Variants in PTPRN2 observed in about 807,000 individuals in gnomAD.
PTPRN2 encodes the protein receptor-type tyrosine-protein phosphatase N2.
In PTPRN2, 74 loss-of-function variants were observed where a neutral mutation model predicts 118.8. The ratio of observed to expected loss-of-function variants is 0.62; its 90% CI spans 0.52 to 0.76. PTPRN2 has a LOEUF of 0.76. Among genes scored for constraint, PTPRN2 ranks in the 30% least tolerant of loss-of-function variants. The pLI is 0.00. For synonymous variants in PTPRN2, 641 were observed against 608.0 expected, an observed-to-expected ratio of 1.05 and a Z score of -0.80; for missense variants, 1,481 against 1,394.4, an observed-to-expected ratio of 1.06 and a Z score of -0.99.
rs578126772 is a variant in PTPRN2, at chr7:157,869,726, G to A, written c.1788+28947C>T. 4.5e-4 allele frequency among the ~76,000 whole-genome samples: 69 copies of A among 152,320 alleles called. No individual in the cohort carries two copies. Among genetic ancestry groups the A allele is most frequent in the South Asian group, 2.1e-3 (10 of 4,830 alleles). On this transcript the variant is annotated intron_variant, in intron 12 of 22. Transcript: ENST00000389418. This position sits in a 1 kb window ranked among gnomAD's most constrained non-coding sequence, Gnocchi z 4.2. The stretch of plus-strand genomic sequence containing the variant: ...CATCGGAACTCTTGCTAAATTGCCC[G>A]TGTTTGATGAGAGGAGTGAGCTGAA...
intron 1 of PTPRN2, among the ~76,000 whole-genome samples, chr7:158,522,217 TCCAGGTAGTGGC>T (rs1824205271): frequency 1.3e-5 from 1 of 78,320 alleles, no homozygotes; most frequent in African/African-American, 5.7e-5. Context: ...TGGTGGACTG[TCCAGGTAGTGGC>T]TCAGGAGGGA....
chr7:157,734,193 CTT>C lies in PTPRN2; in HGVS notation c.1789-51258_1789-51257del, dbSNP rs757889960. On this transcript the variant is annotated intron_variant, in intron 12 of 22. Coordinates refer to ENST00000389418, the MANE Select transcript of PTPRN2 (RefSeq NM_002847.5). ...ACCCCATGCACCCAGCACAGTTACT[CTT>C]TTCCGTCCCATGCGCCCAGCACAGT... Among the ~76,000 whole-genome samples, 140 of 147,538 alleles carry C rather than the reference CTT, an allele frequency of 9.5e-4. 14 individuals carry two copies. The highest frequency in any genetic ancestry group is 3.3e-3 in the African/African-American group (131 of 39,658).
chr7:158,052,190 G>A (rs1255787992), intron 11 of PTPRN2, among the ~76,000 whole-genome samples: 2 of 152,162 alleles, frequency 1.3e-5, no homozygotes, highest in African/African-American at 2.4e-5. Flanking sequence ...TGACTTCTAC[G>A]GGAGGAAATG....
At chr7:158,090,387 C>A (rs1814019318) in intron 10 of PTPRN2, among the ~76,000 whole-genome samples, 1 of 152,202 alleles carries the variant, frequency 6.6e-6, no homozygotes. Flanking sequence ...ACAGAATTCA[C>A]TGACTTAAAA....
intron 8 of PTPRN2, among the ~76,000 whole-genome samples, chr7:158,135,820 A>C (rs2150446590): frequency 6.6e-6 from 1 of 152,348 alleles, no homozygotes; most frequent in South Asian, 2.1e-4. Flanking sequence ...CTAACCAGTA[A>C]GAGAATCTGA....
chr7:157,846,039 G>A (rs1808779870), intron 12 of PTPRN2, among the ~76,000 whole-genome samples: 2 of 152,150 alleles, frequency 1.3e-5, no homozygotes, highest in Admixed American at 1.3e-4. Flanking sequence ...ATCAAGTGAA[G>A]CAGCTTCTGT....
At position 158,089,694 on chromosome 7, in the gene PTPRN2, A is replaced by G. The variant is rs1243914279; in HGVS notation, c.1644-8317T>C. Among the ~76,000 whole-genome samples, 237 of 126,922 alleles carry G rather than the reference A, an allele frequency of 1.9e-3. 10 individuals are homozygous for G. The highest frequency in any genetic ancestry group is 3.0e-3 in the Non-Finnish European group (181 of 60,968). 83.3% of individuals were successfully genotyped at this position (126,922 alleles called of 152,430 possible). On this transcript the variant is annotated intron_variant, in intron 10 of 22. Transcript: ENST00000389418. ...ACAAACCTTCTTCCCCTGATGAAAG[A>G]GGGGGTCTTCACACACATCCTTCCT...
At chr7:158,269,685 A>C (rs1798161931) in intron 3 of PTPRN2, among the ~76,000 whole-genome samples, 1 of 152,176 alleles carries the variant, frequency 6.6e-6, no homozygotes, top group Admixed American at 6.5e-5. Context: ...GCCAGGGCCC[A>C]GGAGGACAGC....
chr7:158,341,732 C>T (rs866898081), intron 2 of PTPRN2, among the ~76,000 whole-genome samples: 2,007 of 143,692 alleles, frequency 0.014, 1 homozygote, highest in Non-Finnish European at 0.024. Context: ...CTGACGCCCG[C>T]AGACGTCACT....
At chr7:158,075,465 G>A (rs1319537573) in intron 11 of PTPRN2, among the ~76,000 whole-genome samples, 3 of 152,072 alleles carry the variant, frequency 2.0e-5, no homozygotes, top group Admixed American at 1.3e-4. Flanking sequence ...GACACAAGCT[G>A]GGGCTGGTTC....
At chr7:158,277,803 G>C (rs1447856902) in intron 3 of PTPRN2, among the ~76,000 whole-genome samples, 3 of 152,174 alleles carry the variant, frequency 2.0e-5, no homozygotes, top group African/African-American at 7.2e-5. Flanking sequence ...AGCTACAGAG[G>C]CTCCTCCTCC....
Position 158,587,604 on chromosome 7 carries a change from G to T in PTPRN2, c.66C>A (p.Ala22=). The T allele has an allele frequency of 2.2e-6, 3 of 1,359,338 alleles. No individual in the cohort carries two copies. The highest frequency in any genetic ancestry group is 2.8e-6 in the Non-Finnish European group (3 of 1,063,198). The allele number at this position is 1,359,338 out of a possible 1,614,324, so 84.2% of individuals were successfully genotyped here. The part of the protein sequence containing the change: ...LLLLPPRVLP[A]APSSVPRGRQ... ...GGCCGCGGGGGACGGACGAAGGGGC[G>T]GCAGGCAGGACGCGTGGCGGCAGCA... The change falls in exon 1 of 23, where the codon GCC becomes GCA. Residue 22 remains alanine (A), a synonymous_variant. Coordinates refer to ENST00000389418, the MANE Select transcript of PTPRN2 (RefSeq NM_002847.5).
At chr7:158,431,473 T>C (rs115553178) in intron 2 of PTPRN2, among the ~76,000 whole-genome samples, 122 of 6,566 alleles carry the variant, frequency 0.019, 10 homozygotes, top group African/African-American at 0.062. Flanking sequence ...ACTGGGCACA[T>C]ACTGGGCACA....
At position 158,262,611 on chromosome 7, in the gene PTPRN2, G is replaced by T. The variant is rs1035220379; in HGVS notation, c.277+54208C>A. ...ACATTCACACACATTCACACACACT[G>T]CACACACACATACATTCACACTGCA... is the stretch of plus-strand genomic sequence containing the variant. On this transcript the variant is annotated intron_variant, in intron 3 of 22. Coordinates refer to ENST00000389418, the MANE Select transcript of PTPRN2 (RefSeq NM_002847.5). Among the ~76,000 whole-genome samples, 134 of 127,402 alleles carry T rather than the reference G, an allele frequency of 1.1e-3. 1 individual carries two copies. Among genetic ancestry groups the T allele is most frequent in the African/African-American group, 3.8e-3 (125 of 33,230 alleles). 83.6% of individuals were successfully genotyped at this position (127,402 alleles called of 152,430 possible).
chr7:158,211,513 A>G (rs74746071), intron 3 of PTPRN2, among the ~76,000 whole-genome samples: 5,270 of 152,284 alleles, frequency 0.035, 320 homozygotes, highest in African/African-American at 0.12. Flanking sequence ...AACTCTGTAG[A>G]AAAAAATTTC....
At chr7:157,710,368 G>A (rs1798543734) in intron 12 of PTPRN2, among the ~76,000 whole-genome samples, 1 of 152,238 alleles carries the variant, frequency 6.6e-6, no homozygotes, top group Non-Finnish European at 1.5e-5. Flanking sequence ...CAGCACTTTG[G>A]GAGGCCGAGG....
chr7:158,026,831 C>T (rs1310255114), intron 11 of PTPRN2, among the ~76,000 whole-genome samples: 2 of 152,212 alleles, frequency 1.3e-5, no homozygotes, highest in Admixed American at 6.5e-5. Flanking sequence ...CATCAAGAGG[C>T]CTGACCACAC....
At chr7:158,107,076 G>A (rs1815748208) in intron 10 of PTPRN2, among the ~76,000 whole-genome samples, 1 of 152,084 alleles carries the variant, frequency 6.6e-6, no homozygotes, top group Non-Finnish European at 1.5e-5. Context: ...GTGCCAACAT[G>A]CACACTTGTC....
At chr7:157,582,431 C>A (rs180705665) in intron 17 of PTPRN2, among the ~76,000 whole-genome samples, 1 of 152,178 alleles carries the variant, frequency 6.6e-6, no homozygotes, top group Non-Finnish European at 1.5e-5. Context: ...CAGGGAAATG[C>A]AAATCAAAAC....
Sources: allele counts gnomAD v4.1 joint callset (sites outside exome capture counted in the v4.1 genomes callset), GRCh38; gene constraint gnomAD v4.1.1; non-coding constraint Gnocchi (gnomAD v3.1); transcripts MANE v1.5; gene names NCBI Gene and HGNC (gene_info 2026-07-23, HGNC 2026-07-21).